PTPRD: variants seen among roughly 807,000 people sequenced by gnomAD.
PTPRD encodes the protein receptor-type tyrosine-protein phosphatase delta.
A neutral mutation model predicts 214.5 loss-of-function variants in PTPRD; 34 were observed. The observed-to-expected ratio is 0.16, with a 90% confidence interval of 0.12 to 0.21. PTPRD has a LOEUF of 0.21. PTPRD is among the 10% of genes least tolerant of loss of function. The pLI, the probability that PTPRD is intolerant of heterozygous loss-of-function variation, is 1.00. For synonymous variants in PTPRD, 1,128 were observed against 845.7 expected (o/e 1.33, Z -5.79); for missense variants, 2,545 against 2,398.7 (o/e 1.06, Z -1.27).
chr9:10,240,842 A>G (rs1306117465), intron 3 of PTPRD, among the ~76,000 whole-genome samples: 1 of 151,866 alleles, frequency 6.6e-6, no homozygotes, highest in African/African-American at 2.4e-5. Context: ...TACAAAATTA[A>G]ATTAGAATCC....
intron 17 of PTPRD, 104 bp from the exon 18 acceptor site, chr9:8,525,139 G>C (rs200358210): frequency 1.0e-6 from 1 of 962,976 alleles, no homozygotes; most frequent in Non-Finnish European, 1.7e-6. Context: ...CAAAGCGAAG[G>C]TCCACTCAAC....
At chr9:10,366,863 T>C (rs144601606) in intron 2 of PTPRD, among the ~76,000 whole-genome samples, 6 of 152,274 alleles carry the variant, frequency 3.9e-5, no homozygotes. Flanking sequence ...TTGAAATCAC[T>C]CTTTGAAGAG....
chr9:9,267,192 C>A (rs78361644), intron 9 of PTPRD, among the ~76,000 whole-genome samples: 7 of 150,830 alleles, frequency 4.6e-5, no homozygotes, highest in Admixed American at 6.6e-5. Context: ...ACATAAAGAG[C>A]AAAAACTCAA....
chr9:10,097,739 C>T (rs2098506266), intron 3 of PTPRD, among the ~76,000 whole-genome samples: 1 of 151,762 alleles, frequency 6.6e-6, no homozygotes, highest in Non-Finnish European at 1.5e-5. Flanking sequence ...TTTCCTTCTC[C>T]TGCCTGATTG....
At chr9:10,030,035 A>G (rs569408104) in intron 4 of PTPRD, among the ~76,000 whole-genome samples, 36 of 152,222 alleles carry the variant, frequency 2.4e-4, no homozygotes, top group African/African-American at 8.7e-4. Flanking sequence ...ATTTCACTGA[A>G]AAAGCTTTCT....
chr9:8,447,826 G>A (rs892598287), intron 34 of PTPRD, among the ~76,000 whole-genome samples: 1 of 152,144 alleles, frequency 6.6e-6, no homozygotes, highest in South Asian at 2.1e-4. Flanking sequence ...AAAAACAGAG[G>A]AAGGAGGGGC....
rs552792939 is a variant in PTPRD at position 9,025,275 on chromosome 9, G to C, written c.-142-6540C>G. Among the ~76,000 whole-genome samples, 331 of 152,108 alleles carry C rather than the reference G, an allele frequency of 2.2e-3. 3 individuals are homozygous for C. Among genetic ancestry groups the C allele is most frequent in the Admixed American group, 4.5e-3 (68 of 15,230 alleles). On this transcript the variant is annotated intron_variant, in intron 10 of 45. Coordinates refer to ENST00000381196, the MANE Select transcript of PTPRD (RefSeq NM_002839.4). The stretch of plus-strand genomic sequence containing the variant: ...GCTTTACTGGTATGGCTAAGATTAA[G>C]ACAAGAGCCAGTCTGCAGTACTATC...
intron 11 of PTPRD, among the ~76,000 whole-genome samples, chr9:8,966,337 T>C (rs1000546461): frequency 1.3e-5 from 2 of 151,940 alleles, no homozygotes; most frequent in Non-Finnish European, 2.9e-5. Context: ...TCTCATTACC[T>C]GACTTCAAAC....
At chr9:9,189,602 C>T (rs556643398) in intron 9 of PTPRD, among the ~76,000 whole-genome samples, 1 of 152,072 alleles carries the variant, frequency 6.6e-6, no homozygotes, top group African/African-American at 2.4e-5. Flanking sequence ...TTATAACTGT[C>T]TATATGGTTA....
intron 6 of PTPRD, among the ~76,000 whole-genome samples, chr9:9,743,551 T>C (rs1443729165): frequency 6.6e-6 from 1 of 151,976 alleles, no homozygotes; most frequent in African/African-American, 2.4e-5. Context: ...TAAGGGCCCA[T>C]TTCTCTGGTA....
intron 11 of PTPRD, among the ~76,000 whole-genome samples, chr9:8,998,057 C>T (rs914492123): frequency 1.3e-5 from 2 of 152,052 alleles, no homozygotes; most frequent in Non-Finnish European, 2.9e-5. Context: ...AAAAAAAAAG[C>T]TGTCTCCATA....
At chr9:9,962,707 C>T (rs940963461) in intron 4 of PTPRD, among the ~76,000 whole-genome samples, 1 of 152,048 alleles carries the variant, frequency 6.6e-6, no homozygotes, top group Non-Finnish European at 1.5e-5. Context: ...TATGTATCTA[C>T]ATCTTATCAC....
intron 8 of PTPRD, among the ~76,000 whole-genome samples, chr9:9,496,946 C>A (rs1157010270): frequency 6.6e-6 from 1 of 152,082 alleles, no homozygotes; most frequent in East Asian, 1.9e-4. Flanking sequence ...ACATATGCTA[C>A]AACATGGATT....
intron 3 of PTPRD, among the ~76,000 whole-genome samples, chr9:10,079,041 T>C (rs1164553320): frequency 6.6e-6 from 1 of 152,096 alleles, no homozygotes; most frequent in Non-Finnish European, 1.5e-5. Context: ...TATGTGCACA[T>C]AACTTTCAGA....
intron 3 of PTPRD, among the ~76,000 whole-genome samples, chr9:10,218,825 A>G (rs2099553193): frequency 6.6e-6 from 1 of 151,834 alleles, no homozygotes; most frequent in South Asian, 2.1e-4. Flanking sequence ...ATTGTCATAT[A>G]TTTATTATAA....
At chr9:9,189,645 A>T (rs9644895) in intron 9 of PTPRD, among the ~76,000 whole-genome samples, 62,431 of 151,766 alleles carry the variant, frequency 0.41, 13,484 homozygotes, top group South Asian at 0.62. Flanking sequence ...AAAGCAGAAG[A>T]CAGGAACTGC....
intron 11 of PTPRD, among the ~76,000 whole-genome samples, chr9:8,998,204 G>C (rs1406518869): frequency 6.6e-6 from 1 of 152,068 alleles, no homozygotes. Context: ...GCTTCTATTG[G>C]AAGAAGATAC....
chr9:10,379,522 T>C (rs1488094890), intron 2 of PTPRD, among the ~76,000 whole-genome samples: 1 of 152,010 alleles, frequency 6.6e-6, no homozygotes, highest in Non-Finnish European at 1.5e-5. Context: ...TTATTCCATA[T>C]GAATTTTTCA....
chr9:8,950,706 CTT>C (rs61227582), intron 11 of PTPRD, among the ~76,000 whole-genome samples: 8 of 143,624 alleles, frequency 5.6e-5, no homozygotes, highest in Admixed American at 7.0e-5. Flanking sequence ...TTATGTTTTT[CTT>C]TTTTTTTTTT....
Sources: allele counts gnomAD v4.1 joint callset (sites outside exome capture counted in the v4.1 genomes callset), GRCh38; gene constraint gnomAD v4.1.1; transcripts MANE v1.5; gene names NCBI Gene and HGNC (gene_info 2026-07-23, HGNC 2026-07-21).